Variants in MIER2 observed in about 807,000 individuals in gnomAD.
MIER2 encodes mesoderm induction early response protein 2.
A neutral mutation model predicts 67.6 loss-of-function variants in MIER2; 30 were observed. That is an observed-to-expected ratio of 0.44 (90% CI 0.33 to 0.60). MIER2 has a LOEUF of 0.60. Among genes scored for constraint, MIER2 ranks in the 20% least tolerant of loss-of-function variants. The probability of loss-of-function intolerance (pLI) is 0.02; values close to 1 mark genes in which losing one functional copy is unlikely to be tolerated. For missense variants in MIER2, 702 were observed against 745.1 expected (o/e 0.94, Z 0.67); for synonymous variants, 372 against 312.6 (o/e 1.19, Z -2.00).
intron 7 of MIER2, among the ~76,000 whole-genome samples, chr19:319,354 C>T (rs1476224546): frequency 3.9e-5 from 6 of 152,084 alleles, no homozygotes; most frequent in Non-Finnish European, 8.8e-5. Context: ...AGAGCGAGAC[C>T]CTGTCACACA....
chr19:309,346 G>A (rs1294840869), intron 10 of MIER2, among the ~76,000 whole-genome samples: 3 of 152,020 alleles, frequency 2.0e-5, no homozygotes, highest in Non-Finnish European at 2.9e-5. Flanking sequence ...GACAACCCCC[G>A]GGTCCACAGA....
intron 8 of MIER2, 71 bp from the exon 9 acceptor site, chr19:312,343 TC>T: frequency 1.3e-6 from 2 of 1,496,400 alleles, no homozygotes; most frequent in Non-Finnish European, 9.2e-7. Context: ...GTCTATACCA[TC>T]CAGCGAGTGG....
In MIER2 at chr19:306,731, A is replaced by G; in HGVS notation, c.1617-20T>C. The G allele has an allele frequency of 2.6e-6, 4 of 1,557,318 alleles. No homozygotes were observed. The highest frequency in any genetic ancestry group is 3.5e-6 in the Non-Finnish European group (4 of 1,150,484). ...TTACAGCTGCAGGGGAGAGACCAAG[A>G]GAGACGCAGAGAGTGTCAGTGCGGC... On this transcript the variant is annotated intron_variant, in intron 13 of 13. Coordinates refer to ENST00000264819, the MANE Select transcript of MIER2 (RefSeq NM_017550.3).
intron 7 of MIER2, among the ~76,000 whole-genome samples, chr19:319,535 T>C (rs1261081421): frequency 6.6e-6 from 1 of 152,220 alleles, no homozygotes; most frequent in African/African-American, 2.4e-5. Context: ...CTTGGCTCAC[T>C]GCAACCGCTG....
chr19:327,632 G>A (rs187094015), intron 4 of MIER2, among the ~76,000 whole-genome samples: 58 of 152,336 alleles, frequency 3.8e-4, no homozygotes, highest in Middle Eastern at 3.4e-3. Flanking sequence ...GGGAGGCCCC[G>A]ATGTGCCCCT....
At chr19:311,199 C>A (rs1299238099) in intron 10 of MIER2, among the ~76,000 whole-genome samples, 1 of 152,208 alleles carries the variant, frequency 6.6e-6, no homozygotes, top group Non-Finnish European at 1.5e-5. Context: ...CCAACCGGGG[C>A]GTGGACAGAG....
rs752144294 is a variant in MIER2, at chr19:308,661, C to T, written c.1114G>A (p.Ala372Thr). The change falls in exon 12 of 14, where the codon GCA (alanine) becomes ACA (threonine). Residue 372 changes from alanine to threonine, a missense_variant. Around this residue, in one of 3 missense-constraint regions of MIER2, gnomAD observed 254 missense variants for 262.8 expected, o/e 0.97. Coordinates refer to ENST00000264819, the MANE Select transcript of MIER2 (RefSeq NM_017550.3). The surrounding 1 kb of genome is among the most constrained non-coding windows in gnomAD (Gnocchi z 9.1). ...TCGCTGCCATCCAGGTCCTGGTCTG[C>T]GTCCCTGTGGGGAGAGGGCGCCATG... ...RKYVPSGTTD[A>T]DQDLDGSDPD... The T allele has an allele frequency of 1.7e-5, 28 of 1,601,452 alleles. No individual in the cohort carries two copies. Among genetic ancestry groups the T allele is most frequent in the South Asian group, 2.2e-5 (2 of 89,684 alleles).
At chr19:317,120 T>TC (rs1971268283) in intron 7 of MIER2, among the ~76,000 whole-genome samples, 1 of 152,200 alleles carries the variant, frequency 6.6e-6, no homozygotes, top group African/African-American at 2.4e-5. Flanking sequence ...ACAGGCCAGG[T>TC]CCAGTGGCTC....
chr19:333,893 C>T lies in MIER2; in HGVS notation c.243+507G>A, dbSNP rs143218743. On this transcript the variant is annotated intron_variant, in intron 3 of 13. Transcript: ENST00000264819. ...ATTTTTAGTAGAGACAGGGTTTCAC[C>T]GTGTTAGCCAGGACGGTCTCGATCT... is the stretch of plus-strand genomic sequence containing the variant. 5.3e-4 allele frequency among the ~76,000 whole-genome samples: 80 copies of T among 152,058 alleles called. 1 individual carries two copies. The East Asian group carries it at 0.013, about 25-fold the overall frequency.
intron 7 of MIER2, among the ~76,000 whole-genome samples, chr19:317,262 G>T (rs879614284): frequency 2.7e-5 from 4 of 149,502 alleles, no homozygotes; most frequent in East Asian, 2.0e-4. Flanking sequence ...GCGCGGTGGC[G>T]GGCACCTGTA....
chr19:309,973 G>C, intron 10 of MIER2, among the ~76,000 whole-genome samples: 1 of 122,622 alleles, frequency 8.2e-6, no homozygotes, highest in Non-Finnish European at 1.6e-5. Flanking sequence ...CGCACACAAG[G>C]CTTCAGGGAG....
At chr19:342,146 G>A (rs1463494308) in intron 1 of MIER2, among the ~76,000 whole-genome samples, 2 of 152,098 alleles carry the variant, frequency 1.3e-5, no homozygotes, top group Non-Finnish European at 2.9e-5. Context: ...AGTGCCAGGC[G>A]CTTGTTGGAC....
intron 5 of MIER2, 48 bp from the exon 6 acceptor site, chr19:326,646 C>G: frequency 7.1e-7 from 1 of 1,412,210 alleles, no homozygotes; most frequent in Non-Finnish European, 1.0e-6. Context: ...CTGCCTGCAG[C>G]CTATACAACC....
intron 10 of MIER2, among the ~76,000 whole-genome samples, chr19:310,243 G>A (rs1158315302): frequency 6.6e-6 from 1 of 152,206 alleles, no homozygotes; most frequent in Non-Finnish European, 1.5e-5. Context: ...GACATGCTCT[G>A]GGCCAACTAA....
At chr19:328,392 C>G (rs1364896887) in intron 3 of MIER2, among the ~76,000 whole-genome samples, 1 of 149,774 alleles carries the variant, frequency 6.7e-6, no homozygotes, top group Non-Finnish European at 1.5e-5. Context: ...CTGAAAAAGG[C>G]ATTTGGTAAA....
At chr19:317,418 TCA>T (rs1971289781) in intron 7 of MIER2, among the ~76,000 whole-genome samples, 3 of 142,836 alleles carry the variant, frequency 2.1e-5, no homozygotes, top group Admixed American at 2.1e-4. Flanking sequence ...TCCCAGCTAC[TCA>T]GGAGGCTGAA....
chr19:343,385 T>G (rs1218536648), intron 1 of MIER2, among the ~76,000 whole-genome samples: 1 of 152,196 alleles, frequency 6.6e-6, no homozygotes, highest in Non-Finnish European at 1.5e-5. Context: ...CCTCCGACCC[T>G]GGAGGACAGC....
At chr19:336,867 G>C (rs1972281070) in intron 1 of MIER2, among the ~76,000 whole-genome samples, 1 of 151,636 alleles carries the variant, frequency 6.6e-6, no homozygotes, top group Admixed American at 6.6e-5. Flanking sequence ...TTTTGAGACA[G>C]AGCCTTGCTC....
chr19:315,407 G>A (rs1167630722), intron 7 of MIER2, among the ~76,000 whole-genome samples: 3 of 152,152 alleles, frequency 2.0e-5, no homozygotes, highest in Admixed American at 2.0e-4. Context: ...CAACAAAGCA[G>A]GTCTACACAC....
Sources: allele counts gnomAD v4.1 joint callset (sites outside exome capture counted in the v4.1 genomes callset), GRCh38; gene constraint gnomAD v4.1.1; regional missense constraint gnomAD v4.1.1; non-coding constraint Gnocchi (gnomAD v3.1); transcripts MANE v1.5; gene names NCBI Gene and HGNC (gene_info 2026-07-23, HGNC 2026-07-21).